EIF4B: variants seen among roughly 807,000 people sequenced by gnomAD.
The protein encoded by EIF4B is eukaryotic translation initiation factor 4B.
A neutral mutation model predicts 79.3 loss-of-function variants in EIF4B; 8 were observed. That is an observed-to-expected ratio of 0.10 (90% CI 0.06 to 0.18). The LOEUF (loss-of-function observed/expected upper bound fraction) is 0.18, where lower values mean the gene tolerates loss of function less well. Among genes scored for constraint, EIF4B ranks in the 10% least tolerant of loss-of-function variants. The probability of loss-of-function intolerance (pLI) is 1.00; values close to 1 mark genes in which losing one functional copy is unlikely to be tolerated. For synonymous variants in EIF4B, 238 were observed against 274.7 expected (o/e 0.87, Z 1.32); for missense variants, 515 against 792.4 (o/e 0.65, Z 4.20).
At chr12:53,034,956 C>CTTTTTTTTTTTTTTTTTTTTTGTTTTTT in intron 10 of EIF4B, among the ~76,000 whole-genome samples, 2 of 90,152 alleles carry the variant, frequency 2.2e-5, no homozygotes, top group Middle Eastern at 6.0e-3. Context: ...TTGTCTCTCT[C>CTTTTTTTTTTTTTTTTTTTTTGTTTTTT]TTTTTTTTTT....
chr12:53,025,621 C>A (rs1448687069), intron 6 of EIF4B, among the ~76,000 whole-genome samples: 2 of 152,060 alleles, frequency 1.3e-5, no homozygotes, highest in Non-Finnish European at 2.9e-5. Context: ...AAATTAAAAC[C>A]ACATTTCAAA....
intron 2 of EIF4B, among the ~76,000 whole-genome samples, chr12:53,018,131 C>T (rs1372975617): frequency 1.3e-5 from 2 of 152,230 alleles, no homozygotes; most frequent in South Asian, 2.1e-4. Flanking sequence ...GATGGGATTA[C>T]TGGCACATGC....
rs367658508 is a variant in EIF4B, at chr12:53,028,030, T to C, written c.821T>C (p.Ile274Thr). 3.6e-5 allele frequency: 58 copies of C among 1,611,666 alleles called. No homozygotes were observed. The highest frequency in any genetic ancestry group is 4.6e-5 in the Non-Finnish European group (54 of 1,178,658). Residue 274 changes from isoleucine to threonine, a missense_variant, in exon 8 of 15, where the codon ATA becomes ACA. Ile to Thr is a moderately conservative substitution (Grantham distance 89). Transcript: ENST00000262056. ...ATATTTACAGGCTATGATTCCCGGA[T>C]AGGCAGTGGCAGAAGAGCATTTGGC... Reference protein sequence around the residue: ...RDYDRGYDSRIGSGRRAFGSG... With the variant: ...RDYDRGYDSRTGSGRRAFGSG...
rs748906081 is a variant in EIF4B, at chr12:53,039,347, T to C, written c.1682+4T>C. ...ACCACTGGAAGGAGTCAGATAGGTA[T>C]GCTTGTTCTCTTTCTCATCTTTCCT... On this transcript the variant is annotated splice_donor_region_variant and intron_variant, in intron 13 of 14. Coordinates refer to ENST00000262056, the MANE Select transcript of EIF4B (RefSeq NM_001417.7). The C allele has an allele frequency of 5.1e-6, 8 of 1,576,416 alleles. No homozygotes were observed. The highest frequency in any genetic ancestry group is 3.4e-4 in the Middle Eastern group (2 of 5,950).
chr12:53,037,140 A>G (rs973614004), intron 10 of EIF4B, among the ~76,000 whole-genome samples: 1 of 152,244 alleles, frequency 6.6e-6, no homozygotes, highest in African/African-American at 2.4e-5. Context: ...AACATTGAGA[A>G]TGCAGAAAGG....
Position 53,039,610 on chromosome 12 carries a change from T to G in EIF4B, c.1683-20T>G. On this transcript the variant is annotated intron_variant, in intron 13 of 14. Transcript: ENST00000262056. ...CGAGTCCTTTCCTAAAGACATGGTT[T>G]TATGCTTACGTCTCTGCAGGAAAGA... The G allele has an allele frequency of 1.2e-6, 2 of 1,613,382 alleles. No homozygotes were observed. Among genetic ancestry groups the G allele is most frequent in the Non-Finnish European group, 1.7e-6 (2 of 1,179,554 alleles).
Position 53,025,974 on chromosome 12 carries a change from G to A in EIF4B, c.668-1808G>A, listed in dbSNP as rs552102045. Among the ~76,000 whole-genome samples the A allele has an allele frequency of 1.5e-3, 233 of 152,070 alleles. 3 individuals carry two copies. In the South Asian group the frequency reaches 0.047, roughly 31 times the overall value. On this transcript the variant is annotated intron_variant, in intron 6 of 14. Coordinates refer to ENST00000262056, the MANE Select transcript of EIF4B (RefSeq NM_001417.7). ...TACAAAAAAAAAATTAGCCGGACAC[G>A]TGTAACCTCAGCTACTGGGGAGGCT...
intron 2 of EIF4B, 145 bp from the exon 3 acceptor site, chr12:53,018,646 TAAAGTGC>T: frequency 1.5e-6 from 1 of 665,996 alleles, no homozygotes. Flanking sequence ...CTTCTCTTCG[TAAAGTGC>T]CCTTATTACT....
At chr12:53,038,672 G>A (rs1045003077) in intron 12 of EIF4B, 5 of 184,392 alleles carry the variant, frequency 2.7e-5, no homozygotes, top group Admixed American at 6.1e-5. Flanking sequence ...AAAATTAGCC[G>A]GGTGTGGTGG....
At chr12:53,014,422 A>G (rs1050338479) in intron 1 of EIF4B, among the ~76,000 whole-genome samples, 1 of 152,120 alleles carries the variant, frequency 6.6e-6, no homozygotes. Flanking sequence ...CAAAAAAAAA[A>G]AAAAAAGCGT....
chr12:53,033,334 C>CT (rs11455422), intron 8 of EIF4B, among the ~76,000 whole-genome samples: 114,736 of 142,324 alleles, frequency 0.81, 48,241 homozygotes, highest in East Asian at 0.96. Context: ...TACCTATTTT[C>CT]TTTTTTTTTT....
intron 2 of EIF4B, among the ~76,000 whole-genome samples, chr12:53,017,688 G>A (rs1024243097): frequency 1.3e-5 from 2 of 152,158 alleles, no homozygotes; most frequent in Non-Finnish European, 2.9e-5. Flanking sequence ...CTGCTCCCGG[G>A]GTTCAAGCGA....
At chr12:53,017,376 T>A (rs1943165440) in intron 2 of EIF4B, among the ~76,000 whole-genome samples, 1 of 152,012 alleles carries the variant, frequency 6.6e-6, no homozygotes, top group Non-Finnish European at 1.5e-5. Flanking sequence ...ACGAAAATGG[T>A]CTGAGGAAAA....
At chr12:53,013,840 C>T (rs1337680196) in intron 1 of EIF4B, 1 of 151,878 alleles carries the variant, frequency 6.6e-6, no homozygotes, top group Admixed American at 6.6e-5. Context: ...CTATGAGACC[C>T]AACCTCTCTG....
At chr12:53,022,264 C>G (rs1565587335) in intron 5 of EIF4B, 1 of 710,796 alleles carries the variant, frequency 1.4e-6, no homozygotes, top group East Asian at 2.8e-5. Flanking sequence ...GGACTCCTGG[C>G]CCATACAGAA....
chr12:53,028,198 T>C lies in EIF4B; in HGVS notation c.979+10T>C, dbSNP rs1565589869. 5 of 1,557,548 alleles carry C rather than the reference T, an allele frequency of 3.2e-6. No individual in the cohort carries two copies. Among genetic ancestry groups the C allele is most frequent in the Non-Finnish European group, 3.5e-6 (4 of 1,154,970 alleles). On this transcript the variant is annotated intron_variant, in intron 8 of 14. Coordinates refer to ENST00000262056, the MANE Select transcript of EIF4B (RefSeq NM_001417.7). ...AGGCGTGATGATAGAGGTAATAGTT[T>C]TCTTTTTACGTACTTCATGGAGCAG...
Position 53,009,183 on chromosome 12 carries a change from T to C in EIF4B, c.13+2687T>C, listed in dbSNP as rs555461126. 2.6e-5 allele frequency among the ~76,000 whole-genome samples: 4 copies of C among 152,308 alleles called. No individual in the cohort carries two copies. In the South Asian group the frequency reaches 6.2e-4, roughly 24 times the overall value. ...GGTCATTATTTATCTGCTGTCCCCT[T>C]ACCTAGAGGGAATCAAATGCGTTTG... On this transcript the variant is annotated intron_variant, in intron 1 of 14. Coordinates refer to ENST00000262056, the MANE Select transcript of EIF4B (RefSeq NM_001417.7).
intron 2 of EIF4B, 139 bp from the exon 3 acceptor site, chr12:53,018,659 T>C: frequency 3.8e-6 from 3 of 794,650 alleles, no homozygotes; most frequent in Admixed American, 5.4e-5. Context: ...AGTGCCCTTA[T>C]TACTGAACCC....
chr12:53,021,706 C>A, intron 4 of EIF4B, 100 bp from the exon 5 acceptor site: 3 of 1,350,762 alleles, frequency 2.2e-6, no homozygotes, highest in East Asian at 2.3e-5. Flanking sequence ...CTTTATCTTC[C>A]TTCCCCTAGT....
Sources: allele counts gnomAD v4.1 joint callset (sites outside exome capture counted in the v4.1 genomes callset), GRCh38; gene constraint gnomAD v4.1.1; transcripts MANE v1.5; gene names NCBI Gene and HGNC (gene_info 2026-07-23, HGNC 2026-07-21).